Variants in LITAFD observed in about 807,000 individuals in gnomAD.
The protein encoded by LITAFD is lITAF domain-containing protein.
At chr16:8,884,993 G>A (rs1195041823) in intron 3 of LITAFD, 194 bp from the exon 4 acceptor site, 1 of 398,056 alleles carries the variant, frequency 2.5e-6, no homozygotes, top group African/African-American at 2.1e-5. Flanking sequence ...AGGAGACTGA[G>A]GCAGGGGAGG....
At chr16:8,883,607 C>T (rs1230956102) in intron 2 of LITAFD, among the ~76,000 whole-genome samples, 1 of 152,000 alleles carries the variant, frequency 6.6e-6, no homozygotes, top group Non-Finnish European at 1.5e-5. Flanking sequence ...AAACACACCA[C>T]CCCTCAGGCC....
exon 1 of LITAFD, chr16:8,882,460 C>T (rs533680404): frequency 2.0e-5 from 3 of 152,618 alleles, no homozygotes; most frequent in East Asian, 3.8e-4. Context: ...TGCCCAGGCA[C>T]TGTTGCTGGG....
chr16:8,883,670 T>G (rs1486646569), intron 2 of LITAFD, among the ~76,000 whole-genome samples: 3 of 152,164 alleles, frequency 2.0e-5, no homozygotes, highest in African/African-American at 7.2e-5. Context: ...TTTGGGAATT[T>G]AAACAAATTT....
At position 8,883,497 on chromosome 16, in the gene LITAFD, G is replaced by A. The variant is rs558963952; in HGVS notation, c.-34+211G>A. ...GCTGGCTGTGTTGCCAGTGGCCACC[G>A]AAGCATCTCTCTCCAGAGGGAAATC... On this transcript the variant is annotated intron_variant, in intron 2 of 3. Transcript: ENST00000636296. Among the ~76,000 whole-genome samples the A allele has an allele frequency of 3.9e-5, 6 of 152,154 alleles. No homozygotes were observed. The South Asian group carries it at 8.3e-4, about 21-fold the overall frequency.
chr16:8,885,267 G>A (rs901204556), exon 4 of LITAFD: 25 of 398,986 alleles, frequency 6.3e-5, no homozygotes, highest in Non-Finnish European at 8.8e-5. Context: ...GTGTGTCAGC[G>A]CGAGCTCTTC....
intron 2 of LITAFD, among the ~76,000 whole-genome samples, 196 bp downstream of exon 2, chr16:8,883,482 T>C (rs1285345252): frequency 6.6e-6 from 1 of 152,094 alleles, no homozygotes; most frequent in African/African-American, 2.4e-5. Context: ...GCTGGCTGTG[T>C]TGCCAGTGGC....
intron 2 of LITAFD, among the ~76,000 whole-genome samples, chr16:8,884,101 G>A (rs2061553934): frequency 6.6e-6 from 1 of 152,064 alleles, no homozygotes; most frequent in African/African-American, 2.4e-5. Context: ...CACCCTTAGA[G>A]CCCACTGGAA....
intron 2 of LITAFD, among the ~76,000 whole-genome samples, chr16:8,883,614 G>C (rs1307979348): frequency 6.6e-6 from 1 of 152,146 alleles, no homozygotes; most frequent in Non-Finnish European, 1.5e-5. Context: ...CCACCCCTCA[G>C]GCCACAGAGG....
intron 2 of LITAFD, among the ~76,000 whole-genome samples, chr16:8,883,565 T>A (rs1330166520): frequency 5.3e-5 from 8 of 152,104 alleles, no homozygotes; most frequent in Admixed American, 6.5e-5. Flanking sequence ...TCAGGAAATT[T>A]TTATGGAGTA....
intron 3 of LITAFD, 150 bp downstream of exon 3, chr16:8,884,615 G>C (rs1200592445): frequency 5.0e-6 from 2 of 396,954 alleles, no homozygotes; most frequent in African/African-American, 4.1e-5. Flanking sequence ...ACCTCCTTGA[G>C]AGGAGGCGGC....
intron 1 of LITAFD, 183 bp downstream of exon 1, chr16:8,882,693 T>C (rs1322277246): frequency 5.2e-5 from 8 of 152,422 alleles, no homozygotes; most frequent in Admixed American, 4.6e-4. Flanking sequence ...CGGAACCCAA[T>C]AGAGACCATT....
At chr16:8,884,501 A>G in intron 3 of LITAFD, 36 bp downstream of exon 3, 1 of 167,392 alleles carries the variant, frequency 6.0e-6, no homozygotes, top group Non-Finnish European at 1.2e-5. Context: ...CAGAGGCCTG[A>G]GCATTGGTAG....
intron 1 of LITAFD, among the ~76,000 whole-genome samples, chr16:8,883,006 T>C (rs1008918819): frequency 1.3e-5 from 2 of 152,140 alleles, no homozygotes; most frequent in African/African-American, 2.4e-5. Context: ...CGGCTAATTT[T>C]TGTATTTGTA....
At chr16:8,882,972 A>C (rs1423455798) in intron 1 of LITAFD, among the ~76,000 whole-genome samples, 1 of 152,154 alleles carries the variant, frequency 6.6e-6, no homozygotes, top group Non-Finnish European at 1.5e-5. Context: ...AGTAGCTGGG[A>C]TTACAGGCGT....
At chr16:8,884,094 C>T (rs926609726) in intron 2 of LITAFD, among the ~76,000 whole-genome samples, 7 of 152,000 alleles carry the variant, frequency 4.6e-5, no homozygotes, top group South Asian at 4.2e-4. Flanking sequence ...AAAAAAGCAC[C>T]CTTAGAGCCC....
chr16:8,882,487 G>C (rs950810232), exon 1 of LITAFD: 1 of 152,472 alleles, frequency 6.6e-6, no homozygotes, highest in Non-Finnish European at 1.5e-5. Flanking sequence ...GCCCTCCAGA[G>C]CACCAGGATG....
intron 3 of LITAFD, 147 bp downstream of exon 3, chr16:8,884,612 T>C (rs2061556729): frequency 2.5e-6 from 1 of 396,770 alleles, no homozygotes; most frequent in African/African-American, 2.1e-5. Context: ...ATTACCTCCT[T>C]GAGAGGAGGC....
intron 3 of LITAFD, 26 bp from the exon 4 acceptor site, chr16:8,885,161 G>T (rs1270861196): frequency 7.5e-6 from 3 of 399,146 alleles, no homozygotes; most frequent in African/African-American, 6.2e-5. Flanking sequence ...CCCCGCTCAC[G>T]CCCAGCCTCC....
intron 1 of LITAFD, chr16:8,882,922 G>C (rs1596338284): frequency 6.6e-6 from 1 of 152,232 alleles, no homozygotes; most frequent in Non-Finnish European, 1.5e-5. Flanking sequence ...GAATCTTTCA[G>C]AATCTGTTTT....
Sources: allele counts gnomAD v4.1 joint callset (sites outside exome capture counted in the v4.1 genomes callset), GRCh38; gene constraint gnomAD v4.1.1; transcripts MANE v1.5; gene names NCBI Gene and HGNC (gene_info 2026-07-23, HGNC 2026-07-21).